Variants in PF4 observed in about 807,000 individuals in gnomAD.
PF4 encodes C-X-C motif chemokine 4.
In PF4, 8 loss-of-function variants were observed where a neutral mutation model predicts 6.9. The observed-to-expected ratio is 1.16, with a 90% CI of 0.68 to 2.09. The LOEUF (loss-of-function observed/expected upper bound fraction) is 2.09, where lower values mean the gene tolerates loss of function less well. PF4 is among the 30% of genes most tolerant of loss of function. PF4 has a pLI of 0.00. For missense variants in PF4, 111 were observed against 122.9 expected, an observed-to-expected ratio of 0.90 and a Z score of 0.46; for synonymous variants, 55 against 56.5, an observed-to-expected ratio of 0.97 and a Z score of 0.12.
upstream of PF4, chr4:73,982,030 C>G (rs143069856): frequency 2.5e-6 from 3 of 1,201,350 alleles, no homozygotes; most frequent in Non-Finnish European, 2.4e-6. Flanking sequence ...TGGCCAATGA[C>G]TCCTGAGCCT....
At chr4:73,981,618 T>C (rs962317197) in intron 1 of PF4, 75 bp from the exon 2 acceptor site, 18 of 1,533,888 alleles carry the variant, frequency 1.2e-5, no homozygotes, top group Non-Finnish European at 1.5e-5. Flanking sequence ...AGAGGTACTT[T>C]AGGGACTTTT....
rs1254347171 is a variant in PF4, at chr4:73,981,868, G to A, written c.86C>T (p.Ala29Val). Residue 29 changes from alanine (A) to valine (V), a missense_variant, in exon 1 of 3, where the codon GCC becomes GTC. Coordinates refer to ENST00000296029, the MANE Select transcript of PF4 (RefSeq NM_002619.4). ...LLLLPLVVAF[A>V]SAEAEEDGDL... ...AGCCTGGCTTCTGCTCTCACCGCTG[G>A]CGAAGGCGACCACAAGTGGCAGGAG... The A allele has an allele frequency of 1.9e-6, 3 of 1,551,234 alleles. No individual in the cohort carries two copies. The highest frequency in any genetic ancestry group is 2.6e-6 in the Non-Finnish European group (3 of 1,146,908).
chr4:73,981,102 C>T lies in PF4; in HGVS notation c.*102G>A, dbSNP rs533881865. 2.5e-6 allele frequency: 2 copies of T among 804,038 alleles called. No individual in the cohort carries two copies. Among genetic ancestry groups the T allele is most frequent in the South Asian group, 1.7e-5 (1 of 57,350 alleles). 49.8% of individuals were successfully genotyped at this position (804,038 alleles called of 1,614,324 possible). On this transcript the variant is annotated 3_prime_UTR_variant, in exon 3 of 3. Transcript: ENST00000296029. ...TTGATTTATTTTGTTTATTTAAAATCATAAGGATAACACAAATATCAGAAG... is the reference window on the plus strand; with the variant it reads ...TTGATTTATTTTGTTTATTTAAAATTATAAGGATAACACAAATATCAGAAG...
chr4:73,981,375 G>A (rs1410509490), intron 2 of PF4, 42 bp downstream of exon 2: 2 of 1,613,878 alleles, frequency 1.2e-6, no homozygotes, highest in African/African-American at 1.3e-5. Flanking sequence ...GGCAGAGGAG[G>A]CACGGAGCGG....
At position 73,981,767 on chromosome 4, in the gene PF4, T is replaced by A; in HGVS notation, c.91+96A>T. 2.0e-6 allele frequency: 3 copies of A among 1,498,458 alleles called. No homozygotes were observed. The South Asian group carries it at 4.0e-5, about 20-fold the overall frequency. 92.8% of individuals were successfully genotyped at this position (1,498,458 alleles called of 1,614,324 possible). A position where few individuals can be genotyped will look rare whatever the true frequency, so the allele number is the denominator to read the frequency against. The stretch of plus-strand genomic sequence containing the variant: ...CAGCAGGCTCTCCGTTAAGTGTGGC[T>A]GTGATCATGATCCTAGAGGATTCCT... On this transcript the variant is annotated intron_variant, in intron 1 of 2. Transcript: ENST00000296029.
Position 73,980,999 on chromosome 4 carries a change from T to G in PF4, c.*205A>C, listed in dbSNP as rs1477227672. 5.4e-6 allele frequency: 3 copies of G among 556,030 alleles called. No individual in the cohort carries two copies. Among genetic ancestry groups the G allele is most frequent in the Non-Finnish European group, 9.5e-6 (3 of 314,990 alleles). 34.4% of individuals were successfully genotyped at this position (556,030 alleles called of 1,614,324 possible). ...TACTTTTTGCTTAAAATACCGGAAT[T>G]TTTTTCTTCCATGAAATTGTTATGT... On this transcript the variant is annotated 3_prime_UTR_variant, in exon 3 of 3. Coordinates refer to ENST00000296029, the MANE Select transcript of PF4 (RefSeq NM_002619.4).
At chr4:73,981,377 A>C in intron 2 of PF4, 40 bp downstream of exon 2, 2 of 1,614,012 alleles carry the variant, frequency 1.2e-6, no homozygotes, top group Non-Finnish European at 8.5e-7. Flanking sequence ...CAGAGGAGGC[A>C]CGGAGCGGGA....
intron 1 of PF4, 127 bp from the exon 2 acceptor site, chr4:73,981,670 C>T: frequency 6.8e-7 from 1 of 1,479,894 alleles, no homozygotes; most frequent in Non-Finnish European, 9.0e-7. Context: ...TAAATCACAC[C>T]TCCCCCAGAC....
rs962617702 is a variant in PF4, at chr4:73,982,006, G to C, written c.-53C>G. 2 of 1,454,500 alleles carry C rather than the reference G, an allele frequency of 1.4e-6. No homozygotes were observed. The highest frequency in any genetic ancestry group is 2.0e-5 in the Admixed American group (1 of 50,052). 90.1% of individuals were successfully genotyped at this position (1,454,500 alleles called of 1,614,324 possible). A position where few individuals can be genotyped will look rare whatever the true frequency, so the allele number is the denominator to read the frequency against. ...CAGTGCTCAGTGCGATGGGAAACTCGGGCTGGGTCTCTGTGGCCAATGACT... is the reference window on the plus strand; with the variant it reads ...CAGTGCTCAGTGCGATGGGAAACTCCGGCTGGGTCTCTGTGGCCAATGACT... On this transcript the variant is annotated 5_prime_UTR_variant, in exon 1 of 3. Coordinates refer to ENST00000296029, the MANE Select transcript of PF4 (RefSeq NM_002619.4).
rs552013857 is a variant in PF4 at position 73,981,490 on chromosome 4, G to A, written c.145C>T (p.Gln49Ter). The A allele has an allele frequency of 6.2e-7, 1 of 1,614,168 alleles. No homozygotes were observed. Among genetic ancestry groups the A allele is most frequent in the South Asian group, 1.1e-5 (1 of 91,076 alleles). ...LQCLCVKTTS[Q>*]VRPRHITSLE... ...CTGGTGATGTGCCTGGGACGGACCT[G>A]GGAGGTGGTCTTCACACACAGGCAC... The change falls in exon 2 of 3, where the codon CAG (glutamine) becomes TAG (stop). Residue 49 changes from glutamine (Q) to a stop codon, truncating the protein, a stop_gained. Transcript: ENST00000296029. LOFTEE classifies it high-confidence loss of function.
At position 73,981,222 on chromosome 4, in the gene PF4, CTTAA is replaced by C. The variant is rs1718775763; in HGVS notation, c.284_287del (p.Ile95ArgfsTer9). On this transcript the variant is annotated frameshift_variant, in exon 3 of 3. Coordinates refer to ENST00000296029, the MANE Select transcript of PF4 (RefSeq NM_002619.4). LOFTEE classifies it high-confidence loss of function. ...CTAGTAGCTAACTCTCCAAAAGTTT[CTTAA>C]TTATTTTCTTGTACAGCGGGGCTTG... The C allele has an allele frequency of 1.9e-6, 3 of 1,614,042 alleles. No individual in the cohort carries two copies. Among genetic ancestry groups the C allele is most frequent in the Non-Finnish European group, 2.5e-6 (3 of 1,179,884 alleles).
rs1159509993 is a variant in PF4 at position 73,981,106 on chromosome 4, A to C, written c.*98T>G. ...TTTATTTTGTTTATTTAAAATCATAAGGATAACACAAATATCAGAAGTTCT... is the reference window on the plus strand; with the variant it reads ...TTTATTTTGTTTATTTAAAATCATACGGATAACACAAATATCAGAAGTTCT... On this transcript the variant is annotated 3_prime_UTR_variant, in exon 3 of 3. Coordinates refer to ENST00000296029, the MANE Select transcript of PF4 (RefSeq NM_002619.4). 1 of 819,056 alleles carries C rather than the reference A, an allele frequency of 1.2e-6. No individual in the cohort carries two copies. The highest frequency in any genetic ancestry group is 2.0e-6 in the Non-Finnish European group (1 of 502,674). 50.7% of individuals were successfully genotyped at this position (819,056 alleles called of 1,614,324 possible). A position where few individuals can be genotyped will look rare whatever the true frequency, so the allele number is the denominator to read the frequency against.
intron 1 of PF4, 134 bp from the exon 2 acceptor site, chr4:73,981,677 A>G: frequency 1.4e-6 from 2 of 1,479,294 alleles, no homozygotes; most frequent in Non-Finnish European, 1.8e-6. Flanking sequence ...CACCTCCCCC[A>G]GACAGAAGTT....
At chr4:73,981,716 A>G (rs1256355359) in intron 1 of PF4, 147 bp downstream of exon 1, 8 of 1,473,434 alleles carry the variant, frequency 5.4e-6, no homozygotes, top group Non-Finnish European at 7.2e-6. Context: ...GTGCAGGTGC[A>G]GCGCCTGGCA....
chr4:73,981,258 C>T lies in PF4; in HGVS notation c.252G>A (p.Leu84=), dbSNP rs199976537. The change falls in exon 3 of 3, where the codon TTG becomes TTA. Residue 84 remains leucine (L), a synonymous_variant. Transcript: ENST00000296029. ...ATLKNGRKIC[L]DLQAPLYKKI... The stretch of plus-strand genomic sequence containing the variant: ...TCTTGTACAGCGGGGCTTGCAGGTC[C>T]AAGCAAATTTTCCTTCCATTCTTCA... 3.1e-6 allele frequency: 5 copies of T among 1,614,224 alleles called. No individual in the cohort carries two copies. Among genetic ancestry groups the T allele is most frequent in the Non-Finnish European group, 4.2e-6 (5 of 1,180,046 alleles).
chr4:73,981,501 T>G lies in PF4; in HGVS notation c.134A>C (p.Lys45Thr). The change falls in exon 2 of 3, where the codon AAG becomes ACG. Residue 45 changes from lysine (K) to threonine (T), a missense_variant. Transcript: ENST00000296029. ...CCTGGGACGGACCTGGGAGGTGGTC[T>G]TCACACACAGGCACTGCAGGTCCCC... is the stretch of plus-strand genomic sequence containing the variant. ...EDGDLQCLCV[K>T]TTSQVRPRHI... 6.2e-7 allele frequency: 1 copy of G among 1,614,044 alleles called. No individual in the cohort carries two copies. Among genetic ancestry groups the G allele is most frequent in the Non-Finnish European group, 8.5e-7 (1 of 1,179,976 alleles).
rs352005 is a variant in PF4 at position 73,980,911 on chromosome 4, A to C, written c.*293T>G. 6.6e-6 allele frequency among the ~76,000 whole-genome samples: 1 copy of C among 152,190 alleles called. No homozygotes were observed. Among genetic ancestry groups the C allele is most frequent in the Non-Finnish European group, 1.5e-5 (1 of 68,040 alleles). The stretch of plus-strand genomic sequence containing the variant: ...TAAAGTACTGCAATCATGTAAATGC[A>C]TGAATATGTATCAGCCAACATGTAA... On this transcript the variant is annotated 3_prime_UTR_variant, in exon 3 of 3. Coordinates refer to ENST00000296029, the MANE Select transcript of PF4 (RefSeq NM_002619.4).
chr4:73,980,852 G>C lies in PF4; in HGVS notation c.*352C>G, dbSNP rs1286086391. On this transcript the variant is annotated 3_prime_UTR_variant, in exon 3 of 3. Transcript: ENST00000296029. ...TGTGTTACTGATATTTATTGGCAAA[G>C]GTAATAATAATGGTCAAGGTAAATA... Among the ~76,000 whole-genome samples, 1 of 152,148 alleles carries C rather than the reference G, an allele frequency of 6.6e-6. No homozygotes were observed. The highest frequency in any genetic ancestry group is 1.5e-5 in the Non-Finnish European group (1 of 68,026).
In PF4 at chr4:73,981,483, C is replaced by G. The variant is rs2109810853; in HGVS notation, c.152G>C (p.Arg51Pro). The G allele has an allele frequency of 6.2e-7, 1 of 1,614,128 alleles. No homozygotes were observed. The highest frequency in any genetic ancestry group is 1.1e-5 in the South Asian group (1 of 91,082). ...CLCVKTTSQV[R>P]PRHITSLEVI... ...CTCCAGGCTGGTGATGTGCCTGGGA[C>G]GGACCTGGGAGGTGGTCTTCACACA... The change falls in exon 2 of 3, where the codon CGT becomes CCT. Residue 51 changes from arginine (R) to proline (P), a missense_variant. Coordinates refer to ENST00000296029, the MANE Select transcript of PF4 (RefSeq NM_002619.4).
Sources: gnomAD v4.1 joint callset for allele counts (sites outside exome capture counted in the v4.1 genomes callset) on GRCh38, gnomAD v4.1.1 for gene constraint, MANE v1.5 for transcripts, NCBI Gene and HGNC (gene_info 2026-07-23, HGNC 2026-07-21) for gene names.